Variants in AHCY observed in about 807,000 individuals in gnomAD.
AHCY encodes adenosylhomocysteinase, also known as S-adenosyl-L-homocysteine hydrolase.
AHCY carries 24 observed loss-of-function variants against 45.4 expected under a neutral mutation model. That is an observed-to-expected ratio of 0.53 (90% confidence interval 0.38 to 0.74). The LOEUF (loss-of-function observed/expected upper bound fraction) is 0.74, where lower values mean the gene tolerates loss of function less well. Ranked by LOEUF, AHCY falls within the 30% of genes least tolerant of loss-of-function variation. AHCY has a pLI of 0.00. For missense variants in AHCY, 449 were observed against 594.1 expected, an observed-to-expected ratio of 0.76 and a Z score of 2.54; for synonymous variants, 245 against 235.1, an observed-to-expected ratio of 1.04 and a Z score of -0.39.
chr20:34,258,102 C>T, the AHCY span, among the ~76,000 whole-genome samples: 3 of 151,650 alleles, frequency 2.0e-5, no homozygotes, highest in African/African-American at 4.8e-5. Flanking sequence ...CAAGATCGCA[C>T]CACTGCACTC....
At chr20:34,291,228 GC>G (rs2036378481) in intron 5 of AHCY, among the ~76,000 whole-genome samples, 190 bp downstream of exon 5, 1 of 152,164 alleles carries the variant, frequency 6.6e-6, no homozygotes, top group Non-Finnish European at 1.5e-5. Context: ...TCTTCCCAAA[GC>G]CATAAAGCTC....
At chr20:34,291,933 C>T (rs1312222922) in intron 4 of AHCY, among the ~76,000 whole-genome samples, 1 of 152,278 alleles carries the variant, frequency 6.6e-6, no homozygotes, top group African/African-American at 2.4e-5. Context: ...AAACACTTTT[C>T]TATTGGCCTA....
chr20:34,280,851 C>G lies in AHCY; in HGVS notation c.*183G>C. 4.5e-6 allele frequency: 4 copies of G among 893,800 alleles called. No individual in the cohort carries two copies. The highest frequency in any genetic ancestry group is 6.8e-6 in the Non-Finnish European group (4 of 585,298). 55.4% of individuals were successfully genotyped at this position (893,800 alleles called of 1,614,324 possible). A position where few individuals can be genotyped will look rare whatever the true frequency, so the allele number is the denominator to read the frequency against. On this transcript the variant is annotated 3_prime_UTR_variant, in exon 10 of 10. Transcript: ENST00000217426. ...GGGGCTTGAAGAGGGTACTCTGTTC[C>G]CGCTGCCACATTTGGAACAGTATGA... is the stretch of plus-strand genomic sequence containing the variant.
At chr20:34,269,973 A>C in the AHCY span, among the ~76,000 whole-genome samples, 8 of 146,304 alleles carry the variant, frequency 5.5e-5, no homozygotes, top group Admixed American at 2.8e-4. Flanking sequence ...AAAAAAAAAA[A>C]AAAAAACAAG....
the AHCY span, chr20:34,260,683 T>A: frequency 1.1e-6 from 1 of 942,010 alleles, no homozygotes; most frequent in South Asian, 2.1e-5. Context: ...AAGGTGGCCC[T>A]TGACTCATTT....
At chr20:34,301,071 A>T (rs2036754072) in intron 1 of AHCY, among the ~76,000 whole-genome samples, 1 of 152,152 alleles carries the variant, frequency 6.6e-6, no homozygotes, top group Non-Finnish European at 1.5e-5. Context: ...GGCAAAGAAA[A>T]ACAACACAAA....
At chr20:34,304,627 C>T (rs1431906793), upstream of AHCY, among the ~76,000 whole-genome samples, 1 of 151,768 alleles carries the variant, frequency 6.6e-6, no homozygotes, top group Non-Finnish European at 1.5e-5. Flanking sequence ...TCAAGCAATT[C>T]TCCTGCCTCA....
chr20:34,291,839 C>T (rs1211108632), intron 4 of AHCY, among the ~76,000 whole-genome samples: 1 of 152,238 alleles, frequency 6.6e-6, no homozygotes, highest in African/African-American at 2.4e-5. Context: ...ATCCTCCATG[C>T]AGCAGCCATT....
chr20:34,233,781 T>C, the AHCY span, among the ~76,000 whole-genome samples: 1 of 152,164 alleles, frequency 6.6e-6, no homozygotes, highest in Non-Finnish European at 1.5e-5. Flanking sequence ...GCCACAATGA[T>C]GTGGCCACAA....
At chr20:34,279,866 A>G (rs2035950793), downstream of AHCY, among the ~76,000 whole-genome samples, 2 of 152,174 alleles carry the variant, frequency 1.3e-5, no homozygotes, top group Admixed American at 1.3e-4. Context: ...GCTCACGCCT[A>G]TAATCCCAGG....
intron 9 of AHCY, among the ~76,000 whole-genome samples, chr20:34,283,420 T>C (rs551345891): frequency 3.9e-4 from 59 of 152,278 alleles, no homozygotes; most frequent in African/African-American, 1.3e-3. Context: ...ACTTAATAAA[T>C]GGTGGCTGCC....
chr20:34,237,519 T>C, the AHCY span, among the ~76,000 whole-genome samples: 1 of 152,236 alleles, frequency 6.6e-6, no homozygotes, highest in African/African-American at 2.4e-5. Context: ...GCTACTTTGC[T>C]AAACTGATTT....
intron 8 of AHCY, among the ~76,000 whole-genome samples, chr20:34,289,158 C>G (rs908198143): frequency 6.6e-6 from 1 of 151,868 alleles, no homozygotes; most frequent in Non-Finnish European, 1.5e-5. Flanking sequence ...CACCCACCAC[C>G]ATGCCCAGCT....
rs373185307 is a variant in AHCY, at chr20:34,310,848, G to A, written c.-57+624C>T. Reference sequence around the variant, plus strand: ...TCCGTATTTTAAAAAAACGACAGTCGGGCGTGGTGGCTCATGTCTGTAATC... The same window carrying A: ...TCCGTATTTTAAAAAAACGACAGTCAGGCGTGGTGGCTCATGTCTGTAATC... On this transcript the variant is annotated intron_variant, in intron 1 of 9. Coordinates refer to the AHCY transcript ENST00000538132. Among the ~76,000 whole-genome samples the A allele has an allele frequency of 3.4e-4, 51 of 151,918 alleles. No individual in the cohort carries two copies. In the South Asian group the frequency reaches 0.01, roughly 31 times the overall value.
chr20:34,244,503 A>G, the AHCY span, among the ~76,000 whole-genome samples: 1 of 152,210 alleles, frequency 6.6e-6, no homozygotes, highest in Non-Finnish European at 1.5e-5. Context: ...AAATGTTTCC[A>G]AGTAATCTTA....
chr20:34,301,704 A>T, intron 1 of AHCY: 1 of 645,586 alleles, frequency 1.5e-6, no homozygotes, highest in Non-Finnish European at 1.9e-6. Flanking sequence ...TAATCTCTCC[A>T]CAGTATGACA....
At position 34,285,621 on chromosome 20, in the gene AHCY, C is replaced by T. The variant is rs116262714; in HGVS notation, c.986G>A (p.Arg329Gln). 3.8e-5 allele frequency: 61 copies of T among 1,613,482 alleles called. No homozygotes were observed. Among genetic ancestry groups the T allele is most frequent in the Admixed American group, 5.0e-5 (3 of 60,008 alleles). The change falls in exon 9 of 10, where the codon CGG (arginine) becomes CAG (glutamine). Residue 329 changes from arginine (R) to glutamine (Q), a missense_variant. Physicochemically the swap from Arg to Gln is conservative, Grantham distance 43 (BLOSUM62 1). Transcript: ENST00000217426. ...VNIKPQVDRY[R>Q]LKNGRRIILL... ...GATGATGCGGCGCCCATTCTTCAAC[C>T]GATACCGGTCCACCTACACGCAGGC...
At chr20:34,242,852 C>A in the AHCY span, among the ~76,000 whole-genome samples, 6 of 152,212 alleles carry the variant, frequency 3.9e-5, no homozygotes, top group African/African-American at 1.4e-4. Flanking sequence ...AGTGCTTGTG[C>A]AGAATGCACC....
the AHCY span, among the ~76,000 whole-genome samples, chr20:34,262,595 T>A: frequency 6.6e-6 from 1 of 152,158 alleles, no homozygotes; most frequent in Non-Finnish European, 1.5e-5. Context: ...CAGTGCCTGC[T>A]TGGATTTCCC....
Sources: gnomAD v4.1 joint callset for allele counts (sites outside exome capture counted in the v4.1 genomes callset) on GRCh38, gnomAD v4.1.1 for gene constraint, MANE v1.5 for transcripts, NCBI Gene and HGNC (gene_info 2026-07-23, HGNC 2026-07-21) for gene names.